The following ALK variants were observed in gnomAD, a reference collection of about 807,000 sequenced individuals.
ALK encodes the protein ALK tyrosine kinase receptor.
In ALK, 74 loss-of-function variants were observed where a neutral mutation model predicts 163.1. The ratio of observed to expected loss-of-function variants is 0.45; its 90% confidence interval spans 0.38 to 0.55. The LOEUF is 0.55. Among genes scored for constraint, ALK ranks in the 20% least tolerant of loss-of-function variants. The probability of loss-of-function intolerance (pLI) is 0.00; values close to 1 mark genes in which losing one functional copy is unlikely to be tolerated. For synonymous variants in ALK, 960 were observed against 843.2 expected (o/e 1.14, Z -2.40); for missense variants, 2,063 against 2,105.3 (o/e 0.98, Z 0.39).
chr2:29,845,587 A>G (rs1429715612), intron 1 of ALK, among the ~76,000 whole-genome samples: 1 of 152,142 alleles, frequency 6.6e-6, no homozygotes, highest in Non-Finnish European at 1.5e-5. Context: ...GGCATGTGCC[A>G]TCATGACCGG....
At chr2:29,441,207 C>A (rs771227304) in intron 4 of ALK, among the ~76,000 whole-genome samples, 12 of 152,238 alleles carry the variant, frequency 7.9e-5, no homozygotes, top group Non-Finnish European at 1.5e-4. Context: ...TCTGCTTGGG[C>A]CCCTGTGAAG....
intron 3 of ALK, among the ~76,000 whole-genome samples, chr2:29,570,802 T>C (rs190288744): frequency 6.6e-6 from 1 of 152,336 alleles, no homozygotes; most frequent in Non-Finnish European, 1.5e-5. Flanking sequence ...ATGGCGAACA[T>C]TTTATCCAAC....
intron 16 of ALK, 54 bp downstream of exon 16, chr2:29,228,830 G>T: frequency 8.4e-7 from 1 of 1,193,666 alleles, no homozygotes. Context: ...GGGAGGTGAG[G>T]AGCCTAGGAC....
intron 1 of ALK, among the ~76,000 whole-genome samples, chr2:29,790,875 C>G (rs1471746311): frequency 6.6e-6 from 1 of 152,154 alleles, no homozygotes; most frequent in Non-Finnish European, 1.5e-5. Context: ...TGAGTCACCT[C>G]ACCCGGCCAA....
intron 1 of ALK, chr2:29,907,072 C>T (rs1250571859): frequency 6.7e-6 from 1 of 150,260 alleles, no homozygotes; most frequent in African/African-American, 2.4e-5. Context: ...GCCTCAGCCT[C>T]CCGAGTAGCA....
intron 4 of ALK, among the ~76,000 whole-genome samples, chr2:29,490,380 T>A (rs138791695): frequency 2.0e-4 from 30 of 152,296 alleles, no homozygotes; most frequent in Middle Eastern, 6.8e-3. Context: ...CAGGTCAATG[T>A]TGGGGAAAAA....
intron 23 of ALK, among the ~76,000 whole-genome samples, chr2:29,217,015 AGTGT>A (rs1669640731): frequency 9.1e-6 from 1 of 110,160 alleles, no homozygotes. Context: ...TGTGTGCGTG[AGTGT>A]ATGTGGTATG....
intron 3 of ALK, among the ~76,000 whole-genome samples, chr2:29,577,097 G>A (rs1339154651): frequency 6.6e-6 from 1 of 152,092 alleles, no homozygotes; most frequent in Non-Finnish European, 1.5e-5. Context: ...GTTGGAGACC[G>A]CTGCTCTGGA....
chr2:29,650,899 G>A (rs1350282493), intron 3 of ALK, among the ~76,000 whole-genome samples: 1 of 152,152 alleles, frequency 6.6e-6, no homozygotes, highest in African/African-American at 2.4e-5. Flanking sequence ...GCACAATGCT[G>A]ATGCTCTCCA....
chr2:29,436,321 G>A (rs775382563), intron 4 of ALK, among the ~76,000 whole-genome samples: 1 of 152,168 alleles, frequency 6.6e-6, no homozygotes, highest in Non-Finnish European at 1.5e-5. Flanking sequence ...AGAAAGGCAC[G>A]GTGCACTGGC....
intron 3 of ALK, among the ~76,000 whole-genome samples, chr2:29,571,648 A>ATTTTTTTTTTTTTTTTT (rs1674377266): frequency 3.2e-5 from 2 of 63,372 alleles, no homozygotes; most frequent in African/African-American, 1.5e-4. Flanking sequence ...ATGTTGTCTC[A>ATTTTTTTTTTTTTTTTT]TTTTGTCGCC....
intron 4 of ALK, among the ~76,000 whole-genome samples, chr2:29,441,976 T>C (rs1298796272): frequency 1.3e-5 from 2 of 152,190 alleles, no homozygotes; most frequent in African/African-American, 4.8e-5. Context: ...ACAAGCTAAA[T>C]TAACACTAAT....
intron 3 of ALK, among the ~76,000 whole-genome samples, chr2:29,545,843 G>C (rs1399687609): frequency 6.6e-6 from 1 of 152,158 alleles, no homozygotes. Context: ...GATTTTTCTT[G>C]ATAGTATTAT....
chr2:29,275,457 G>A lies in ALK; in HGVS notation c.1857C>T (p.Ser619=), dbSNP rs1476212862. 2 of 1,614,158 alleles carry A rather than the reference G, an allele frequency of 1.2e-6. No homozygotes were observed. Among genetic ancestry groups the A allele is most frequent in the Non-Finnish European group, 1.7e-6 (2 of 1,180,028 alleles). The change falls in exon 10 of 29, where the codon TCC becomes TCT. Residue 619 remains serine, a synonymous_variant. Transcript: ENST00000389048. ...TATTGTCAAAAGCCACGATGGCTCT[G>A]GATCCTTGTCCCCACCATGCGACCA... The part of the protein sequence containing the change: ...LQMVAWWGQG[S]RAIVAFDNIS...
intron 1 of ALK, among the ~76,000 whole-genome samples, chr2:29,828,449 T>A (rs1343901333): frequency 2.0e-5 from 3 of 151,874 alleles, no homozygotes; most frequent in Non-Finnish European, 4.4e-5. Context: ...GAATCTACAA[T>A]GAACTCAAAC....
rs141699413 is a variant in ALK at position 29,202,583 on chromosome 2, C to T, written c.3938+4588G>A. On this transcript the variant is annotated intron_variant, in intron 26 of 28. Coordinates refer to ENST00000389048, the MANE Select transcript of ALK (RefSeq NM_004304.5). ...CACATTTTTAAACAATGCGTGAAAG[C>T]GCAAACGATACTGTGTTATAGACAT... Among the ~76,000 whole-genome samples, 982 of 152,348 alleles carry T rather than the reference C, an allele frequency of 6.4e-3. 8 individuals are homozygous for T. Among genetic ancestry groups the T allele is most frequent in the African/African-American group, 0.022 (929 of 41,564 alleles).
chr2:29,428,461 G>A (rs190392460), intron 4 of ALK, among the ~76,000 whole-genome samples: 90 of 151,668 alleles, frequency 5.9e-4, no homozygotes, highest in African/African-American at 2.1e-3. Context: ...AAATAAAAAG[G>A]ATTATAAAGG....
At chr2:29,334,289 C>T (rs1667543609) in intron 5 of ALK, among the ~76,000 whole-genome samples, 1 of 152,208 alleles carries the variant, frequency 6.6e-6, no homozygotes, top group African/African-American at 2.4e-5. Context: ...CAAGTCTCAC[C>T]TTCAAGAGCC....
chr2:29,288,962 ATAAATAAATAAAT>A lies in ALK; in HGVS notation c.1817+7913_1817+7925del, dbSNP rs1558654909. Among the ~76,000 whole-genome samples the A allele has an allele frequency of 1.2e-4, 14 of 119,946 alleles. 4 individuals are homozygous for A. The highest frequency in any genetic ancestry group is 3.5e-4 in the African/African-American group (11 of 31,000). 78.7% of individuals were successfully genotyped at this position (119,946 alleles called of 152,430 possible). On this transcript the variant is annotated intron_variant, in intron 9 of 28. Coordinates refer to ENST00000389048, the MANE Select transcript of ALK (RefSeq NM_004304.5). ...GGGAGACTCCTTCTCAAAAAAATAA[ATAAATAAATAAAT>A]AAATAAATAAATAAATAAATAAATA... is the stretch of plus-strand genomic sequence containing the variant.
Sources: allele counts gnomAD v4.1 joint callset (sites outside exome capture counted in the v4.1 genomes callset), GRCh38; gene constraint gnomAD v4.1.1; transcripts MANE v1.5; gene names NCBI Gene and HGNC (gene_info 2026-07-23, HGNC 2026-07-21).